CNTNAP2: variants seen among roughly 807,000 people sequenced by gnomAD.
The protein encoded by CNTNAP2 is contactin associated protein 2.
In CNTNAP2, 98 loss-of-function variants were observed where a neutral mutation model predicts 155.2. The observed-to-expected ratio is 0.63, with a 90% CI of 0.54 to 0.75. The LOEUF (loss-of-function observed/expected upper bound fraction) is 0.75. CNTNAP2 is among the 30% of genes least tolerant of loss of function. The probability of loss-of-function intolerance (pLI) is 0.00; values close to 1 mark genes in which losing one functional copy is unlikely to be tolerated. For synonymous variants in CNTNAP2, 651 were observed against 631.2 expected, an observed-to-expected ratio of 1.03 and a Z score of -0.47; for missense variants, 1,727 against 1,688.1, an observed-to-expected ratio of 1.02 and a Z score of -0.40.
At chr7:146,620,094 A>AC (rs1799292681) in intron 1 of CNTNAP2, among the ~76,000 whole-genome samples, 1 of 152,178 alleles carries the variant, frequency 6.6e-6, no homozygotes, top group South Asian at 2.1e-4. Context: ...AGTTCTGTTC[A>AC]CTGGGATGCT....
chr7:146,421,958 T>C (rs928728627), intron 1 of CNTNAP2, among the ~76,000 whole-genome samples: 4 of 151,940 alleles, frequency 2.6e-5, no homozygotes, highest in African/African-American at 9.7e-5. Flanking sequence ...AGAGTACAAC[T>C]TTAAGATCTT....
chr7:147,765,892 G>T (rs1797375267), intron 13 of CNTNAP2, among the ~76,000 whole-genome samples: 2 of 152,110 alleles, frequency 1.3e-5, no homozygotes, highest in South Asian at 4.1e-4. Flanking sequence ...AGCCAAAAAA[G>T]GGAGGAAAGA....
chr7:148,147,140 G>A (rs757319432), intron 16 of CNTNAP2, among the ~76,000 whole-genome samples: 11 of 152,124 alleles, frequency 7.2e-5, no homozygotes, highest in Non-Finnish European at 1.3e-4. Flanking sequence ...GGTTCAGTTC[G>A]TGACTCCACT....
chr7:146,946,221 G>A (rs563356245), intron 3 of CNTNAP2, among the ~76,000 whole-genome samples: 1 of 151,112 alleles, frequency 6.6e-6, no homozygotes, highest in African/African-American at 2.4e-5. Flanking sequence ...TGTAGAATCA[G>A]AAAATATCTG....
chr7:148,286,793 A>G (rs1797091813), intron 21 of CNTNAP2, among the ~76,000 whole-genome samples: 2 of 152,220 alleles, frequency 1.3e-5, no homozygotes. Context: ...ACTGTAATTT[A>G]GAGCATTTTT....
At chr7:148,308,658 G>A (rs1368409156) in intron 21 of CNTNAP2, among the ~76,000 whole-genome samples, 1 of 151,894 alleles carries the variant, frequency 6.6e-6, no homozygotes, top group Non-Finnish European at 1.5e-5. Context: ...CACGTGCCAT[G>A]GTGGTTTGCT....
At chr7:147,864,036 T>C (rs769272939) in intron 13 of CNTNAP2, among the ~76,000 whole-genome samples, 52 of 152,126 alleles carry the variant, frequency 3.4e-4, no homozygotes, top group Non-Finnish European at 6.5e-4. Flanking sequence ...GCCTAGGTTT[T>C]CTTCTGGGGT....
chr7:147,273,783 CTATTT>C (rs1382407996), intron 8 of CNTNAP2, among the ~76,000 whole-genome samples: 1 of 142,534 alleles, frequency 7.0e-6, no homozygotes, highest in Admixed American at 7.0e-5. Flanking sequence ...ATATTTATAT[CTATTT>C]TATATATATT....
intron 3 of CNTNAP2, among the ~76,000 whole-genome samples, chr7:147,009,011 A>G (rs1196941153): frequency 2.6e-5 from 4 of 151,684 alleles, no homozygotes; most frequent in East Asian, 3.9e-4. Context: ...TTAATGCTCA[A>G]TTGGGCTATT....
intron 16 of CNTNAP2, among the ~76,000 whole-genome samples, chr7:148,120,849 G>T (rs1401251884): frequency 1.3e-5 from 2 of 152,044 alleles, no homozygotes; most frequent in Admixed American, 6.6e-5. Context: ...CATATTAGAT[G>T]CCCATCATTA....
chr7:148,335,462 C>T (rs961317875), intron 21 of CNTNAP2, among the ~76,000 whole-genome samples: 2 of 152,170 alleles, frequency 1.3e-5, no homozygotes, highest in African/African-American at 2.4e-5. Context: ...TGCTACTCCA[C>T]ATCAACTGAT....
At chr7:147,675,011 G>A (rs1387049428) in intron 13 of CNTNAP2, among the ~76,000 whole-genome samples, 1 of 151,666 alleles carries the variant, frequency 6.6e-6, no homozygotes, top group African/African-American at 2.4e-5. Flanking sequence ...CAAACTTTGT[G>A]TCTTAAAACA....
chr7:147,075,547 A>C (rs560538755), intron 4 of CNTNAP2, among the ~76,000 whole-genome samples: 1 of 152,280 alleles, frequency 6.6e-6, no homozygotes, highest in East Asian at 1.9e-4. Context: ...AGCATTCCAG[A>C]CTAACAATAA....
At chr7:146,582,806 T>C (rs1043735162) in intron 1 of CNTNAP2, among the ~76,000 whole-genome samples, 39 of 149,980 alleles carry the variant, frequency 2.6e-4, no homozygotes, top group Admixed American at 7.9e-4. Flanking sequence ...GGAAAAGAAA[T>C]TTTTTTTGCT....
intron 11 of CNTNAP2, among the ~76,000 whole-genome samples, chr7:147,502,249 A>G (rs1458541209): frequency 6.6e-6 from 1 of 152,252 alleles, no homozygotes. Flanking sequence ...GAATCACAAA[A>G]GACCCCAAAT....
At chr7:146,840,280 T>C (rs1168423465) in intron 3 of CNTNAP2, among the ~76,000 whole-genome samples, 1 of 152,180 alleles carries the variant, frequency 6.6e-6, no homozygotes, top group Non-Finnish European at 1.5e-5. Flanking sequence ...GAATATAATT[T>C]AGAGAAGTAA....
At chr7:146,271,356 T>A (rs1280539240) in intron 1 of CNTNAP2, among the ~76,000 whole-genome samples, 2 of 152,068 alleles carry the variant, frequency 1.3e-5, no homozygotes, top group Non-Finnish European at 2.9e-5. Flanking sequence ...GATTATTGTT[T>A]TGATGTATCT....
At chr7:147,240,501 T>A (rs1803911159) in intron 8 of CNTNAP2, among the ~76,000 whole-genome samples, 1 of 152,226 alleles carries the variant, frequency 6.6e-6, no homozygotes, top group African/African-American at 2.4e-5. Context: ...GCTCCAGGCG[T>A]TTCACTTCCA....
chr7:147,715,310 G>A (rs1036649894), intron 13 of CNTNAP2, among the ~76,000 whole-genome samples: 1 of 152,058 alleles, frequency 6.6e-6, no homozygotes, highest in Non-Finnish European at 1.5e-5. Flanking sequence ...GAATGTATGA[G>A]TGATTCCGCT....
Sources: allele counts gnomAD v4.1 joint callset (sites outside exome capture counted in the v4.1 genomes callset), GRCh38; gene constraint gnomAD v4.1.1; transcripts MANE v1.5; gene names NCBI Gene and HGNC (gene_info 2026-07-23, HGNC 2026-07-21).